The following UBAP2 variants were observed in gnomAD, a reference collection of about 807,000 sequenced individuals.
The protein encoded by UBAP2 is ubiquitin associated protein 2.
Under a neutral mutation model 139.6 loss-of-function variants are expected in UBAP2, and 75 were observed. The ratio of observed to expected loss-of-function variants is 0.54; its 90% CI spans 0.45 to 0.65. The LOEUF (loss-of-function observed/expected upper bound fraction) is 0.65. Ranked by LOEUF, UBAP2 falls within the 30% of genes least tolerant of loss-of-function variation. The pLI, the probability that UBAP2 is intolerant of heterozygous loss-of-function variation, is 0.00. For synonymous variants in UBAP2, 526 were observed against 526.2 expected (o/e 1.00, Z 0.01); for missense variants, 1,368 against 1,369.6 (o/e 1.00, Z 0.02).
chr9:33,964,005 T>C (rs1827267789), intron 8 of UBAP2, among the ~76,000 whole-genome samples: 1 of 152,174 alleles, frequency 6.6e-6, no homozygotes, highest in Non-Finnish European at 1.5e-5. Flanking sequence ...ACTTCAATTA[T>C]TCTCATTCTC....
intron 2 of UBAP2, among the ~76,000 whole-genome samples, chr9:34,006,062 C>T (rs1277088475): frequency 2.6e-5 from 4 of 151,716 alleles, no homozygotes; most frequent in African/African-American, 9.7e-5. Context: ...GAAACCCCAT[C>T]TCTACTAAAA....
chr9:33,923,699 C>A, intron 24 of UBAP2, 96 bp downstream of exon 24: 1 of 1,357,628 alleles, frequency 7.4e-7, no homozygotes, highest in South Asian at 1.2e-5. Flanking sequence ...GGAGTGGAAT[C>A]ACAACCCTCC....
At chr9:34,049,182 T>C (rs542659581), upstream of UBAP2, among the ~76,000 whole-genome samples, 1 of 152,316 alleles carries the variant, frequency 6.6e-6, no homozygotes, top group African/African-American at 2.4e-5. Context: ...CAGCTCGTCG[T>C]CGCGCCGTGA....
intron 17 of UBAP2, among the ~76,000 whole-genome samples, chr9:33,934,941 T>TA (rs1824324830): frequency 1.3e-5 from 2 of 152,234 alleles, no homozygotes; most frequent in South Asian, 4.1e-4. Flanking sequence ...AATCTGTCAT[T>TA]ACAGTTTCAA....
intron 12 of UBAP2, among the ~76,000 whole-genome samples, chr9:33,951,006 T>C (rs1160290839): frequency 6.6e-6 from 1 of 152,234 alleles, no homozygotes; most frequent in East Asian, 1.9e-4. Context: ...ATCACTTCTG[T>C]TGCTGCTGTT....
intron 9 of UBAP2, among the ~76,000 whole-genome samples, chr9:33,961,212 A>G (rs1256538679): frequency 6.6e-6 from 1 of 152,242 alleles, no homozygotes; most frequent in Admixed American, 6.5e-5. Flanking sequence ...GTATGGATGT[A>G]GCACAAATAT....
rs1226470580 is a variant in UBAP2 at position 33,989,316 on chromosome 9, C to T, written c.289-190G>A. On this transcript the variant is annotated intron_variant, in intron 4 of 28. Coordinates refer to ENST00000379238, the MANE Select transcript of UBAP2 (RefSeq NM_001370062.2). ...TCCCAGGTTCACAACATTCTCCTGC[C>T]TCAGTCTCCTGAGTAGCTGGGACTA... Among the ~76,000 whole-genome samples the T allele has an allele frequency of 4.6e-5, 7 of 151,990 alleles. No homozygotes were observed. The East Asian group carries it at 1.3e-3, about 29-fold the overall frequency.
At chr9:33,926,588 C>G in intron 22 of UBAP2, 29 bp downstream of exon 22, 1 of 1,614,024 alleles carries the variant, frequency 6.2e-7, no homozygotes, top group South Asian at 1.1e-5. Context: ...TCTGAACCCT[C>G]TGCTCCGACC....
At position 33,954,267 on chromosome 9, in the gene UBAP2, T is replaced by TACACACACACACACACAC. The variant is rs368965909; in HGVS notation, c.867-794_867-793insGTGTGTGTGTGTGTGTGT. On this transcript the variant is annotated intron_variant, in intron 11 of 28. Coordinates refer to ENST00000379238, the MANE Select transcript of UBAP2 (RefSeq NM_001370062.2). ...CCCATAATACATTTAAGTGTGTGTA[T>TACACACACACACACACAC]ATACACACACACACACACACACACA... Among the ~76,000 whole-genome samples, 370 of 101,658 alleles carry TACACACACACACACACAC rather than the reference T, an allele frequency of 3.6e-3. 2 individuals are homozygous for TACACACACACACACACAC. Among genetic ancestry groups the TACACACACACACACACAC allele is most frequent in the South Asian group, 0.011 (34 of 3,080 alleles). The allele number at this position is 101,658 out of a possible 152,430, so 66.7% of individuals were successfully genotyped here.
chr9:34,039,032 C>T (rs923170210), intron 1 of UBAP2, among the ~76,000 whole-genome samples: 1 of 148,202 alleles, frequency 6.7e-6, no homozygotes, highest in Non-Finnish European at 1.5e-5. Context: ...AGTGAGGAGC[C>T]CCTCCGCCCA....
chr9:33,983,470 T>C (rs533140779), intron 6 of UBAP2, among the ~76,000 whole-genome samples: 7 of 152,294 alleles, frequency 4.6e-5, no homozygotes, highest in African/African-American at 1.7e-4. Flanking sequence ...GCTGGGTTAC[T>C]ATGTATTCCT....
chr9:34,032,401 T>C (rs888009080), intron 1 of UBAP2, among the ~76,000 whole-genome samples: 1 of 152,170 alleles, frequency 6.6e-6, no homozygotes, highest in Non-Finnish European at 1.5e-5. Flanking sequence ...TCTCCAGCTC[T>C]GCATCCACCA....
intron 1 of UBAP2, among the ~76,000 whole-genome samples, chr9:34,041,202 C>T (rs1430965631): frequency 1.3e-5 from 2 of 151,778 alleles, no homozygotes; most frequent in Non-Finnish European, 2.9e-5. Flanking sequence ...CCTGTAATCC[C>T]GGCACTTTGG....
In UBAP2 at chr9:33,948,366, A is replaced by G. The variant is rs775783977; in HGVS notation, c.1270+8T>C. The G allele has an allele frequency of 3.7e-6, 6 of 1,602,752 alleles. No individual in the cohort carries two copies. Among genetic ancestry groups the G allele is most frequent in the East Asian group, 2.2e-5 (1 of 44,662 alleles). ...GTAGGGGCAAACCCACAAACAATGT[A>G]TACCTACCAAGATGACTGAGGACTG... On this transcript the variant is annotated splice_region_variant and intron_variant, in intron 13 of 28. Transcript: ENST00000379238.
intron 1 of UBAP2, among the ~76,000 whole-genome samples, chr9:34,028,929 G>A (rs374665688): frequency 9.9e-5 from 15 of 152,114 alleles, no homozygotes; most frequent in Middle Eastern, 3.4e-3. Context: ...CCTGGGCGGC[G>A]TGGCAAGTCC....
chr9:33,972,996 C>G (rs746836693), intron 7 of UBAP2, among the ~76,000 whole-genome samples, 187 bp downstream of exon 7: 2 of 152,138 alleles, frequency 1.3e-5, no homozygotes, highest in Non-Finnish European at 2.9e-5. Context: ...AGGCTAGAAA[C>G]CCTGCTCTAA....
At chr9:33,966,739 CTT>C (rs1827491320) in intron 8 of UBAP2, among the ~76,000 whole-genome samples, 3 of 151,470 alleles carry the variant, frequency 2.0e-5, no homozygotes, top group Admixed American at 1.3e-4. Context: ...TTTTCTTATT[CTT>C]TGTTTGCAAT....
At chr9:33,971,573 T>C in intron 8 of UBAP2, 78 bp downstream of exon 8, 1 of 862,694 alleles carries the variant, frequency 1.2e-6, no homozygotes, top group Middle Eastern at 2.2e-4. Context: ...CATTTAGACT[T>C]CATCTTTGTA....
intron 14 of UBAP2, among the ~76,000 whole-genome samples, chr9:33,943,884 C>A (rs771830961): frequency 1.3e-5 from 2 of 150,890 alleles, no homozygotes; most frequent in Non-Finnish European, 1.5e-5. Flanking sequence ...CTGGACAACA[C>A]GGCGAGACCC....
Sources: gnomAD v4.1 joint callset for allele counts (sites outside exome capture counted in the v4.1 genomes callset) on GRCh38, gnomAD v4.1.1 for gene constraint, MANE v1.5 for transcripts, NCBI Gene and HGNC (gene_info 2026-07-23, HGNC 2026-07-21) for gene names.